The following NSMCE2 variants were observed in gnomAD, a reference collection of about 807,000 sequenced individuals.
The protein encoded by NSMCE2 is NSE2 SUMO ligase component of SMC5/6 complex.
In NSMCE2, 24 loss-of-function variants were observed where a neutral mutation model predicts 23.8. That is an observed-to-expected ratio of 1.01 (90% CI 0.73 to 1.42). The LOEUF is 1.42. Ranked by LOEUF, NSMCE2 falls within the 40% of genes most tolerant of loss-of-function variation. The probability of loss-of-function intolerance (pLI) is 0.00; values close to 1 mark genes in which losing one functional copy is unlikely to be tolerated. For missense variants in NSMCE2, 284 were observed against 296.5 expected (o/e 0.96, Z 0.31); for synonymous variants, 92 against 94.1 (o/e 0.98, Z 0.13).
intron 3 of NSMCE2, among the ~76,000 whole-genome samples, chr8:125,105,081 C>A (rs1818391674): frequency 6.6e-6 from 1 of 152,198 alleles, no homozygotes; most frequent in African/African-American, 2.4e-5. Context: ...CAAGACTTTT[C>A]CCAGTTTTCC....
intron 5 of NSMCE2, among the ~76,000 whole-genome samples, chr8:125,242,401 A>T (rs1018888563): frequency 1.3e-5 from 2 of 152,056 alleles, no homozygotes; most frequent in African/African-American, 4.8e-5. Context: ...GAGACACCAC[A>T]TGTTCACCAC....
intron 1 of NSMCE2, among the ~76,000 whole-genome samples, chr8:125,095,878 A>G (rs937972453): frequency 1.4e-4 from 20 of 143,534 alleles, no homozygotes; most frequent in Non-Finnish European, 2.6e-4. Context: ...GCAAAACTCC[A>G]TCTCAAAAAA....
intron 5 of NSMCE2, among the ~76,000 whole-genome samples, chr8:125,205,702 G>A (rs1041082807): frequency 1.3e-5 from 2 of 152,106 alleles, no homozygotes; most frequent in African/African-American, 2.4e-5. Context: ...TAATCACCTC[G>A]GCTGGAGGCT....
chr8:125,092,075 C>T (rs1322233950), intron 1 of NSMCE2, 117 bp downstream of exon 1: 1 of 152,232 alleles, frequency 6.6e-6, no homozygotes, highest in Non-Finnish European at 1.5e-5. Flanking sequence ...GGTTGTGGAA[C>T]TTTTCACGCC....
chr8:125,158,236 T>C (rs79625464), intron 4 of NSMCE2, among the ~76,000 whole-genome samples: 4,747 of 152,224 alleles, frequency 0.031, 246 homozygotes, highest in African/African-American at 0.11. Context: ...TAAAGATGTT[T>C]CCATGTTGAA....
intron 5 of NSMCE2, among the ~76,000 whole-genome samples, chr8:125,200,416 T>G (rs533028982): frequency 6.6e-6 from 1 of 152,318 alleles, no homozygotes; most frequent in East Asian, 1.9e-4. Context: ...AGGATTTTAT[T>G]TCTCCTTCAC....
At chr8:125,254,329 C>G (rs1318766525) in intron 5 of NSMCE2, among the ~76,000 whole-genome samples, 1 of 152,090 alleles carries the variant, frequency 6.6e-6, no homozygotes, top group Non-Finnish European at 1.5e-5. Context: ...AACATTTTAC[C>G]AAGAAATGGT....
At chr8:125,145,417 T>C (rs1235075456) in intron 3 of NSMCE2, among the ~76,000 whole-genome samples, 1 of 152,210 alleles carries the variant, frequency 6.6e-6, no homozygotes, top group African/African-American at 2.4e-5. Flanking sequence ...GTTATTGTAC[T>C]AACTTCTTGC....
intron 5 of NSMCE2, among the ~76,000 whole-genome samples, chr8:125,327,424 A>C (rs1829713742): frequency 6.6e-6 from 1 of 152,144 alleles, no homozygotes; most frequent in Admixed American, 6.5e-5. Flanking sequence ...TCTTTTTAGG[A>C]GGCTTTAAAG....
rs578041011 is a variant in NSMCE2, at chr8:125,259,997, G to A, written c.418+77741G>A. 3.9e-4 allele frequency among the ~76,000 whole-genome samples: 59 copies of A among 152,294 alleles called. 1 individual carries two copies. The highest frequency in any genetic ancestry group is 3.4e-3 in the Middle Eastern group (1 of 294). On this transcript the variant is annotated intron_variant, in intron 5 of 7. Coordinates refer to ENST00000287437, the MANE Select transcript of NSMCE2 (RefSeq NM_173685.4). Reference sequence around the variant, plus strand: ...ATGAAGCAACCGAGGCAGCAGCCTGGTGAAACAAAAAGAAAGCAGATATTG... The same window carrying A: ...ATGAAGCAACCGAGGCAGCAGCCTGATGAAACAAAAAGAAAGCAGATATTG...
In NSMCE2 at chr8:125,106,871, C is replaced by A. The variant is rs147441025; in HGVS notation, c.157+4384C>A. 8.8e-3 allele frequency among the ~76,000 whole-genome samples: 1,330 copies of A among 150,800 alleles called. 20 individuals carry two copies. Among genetic ancestry groups the A allele is most frequent in the African/African-American group, 0.03 (1,225 of 41,022 alleles). On this transcript the variant is annotated intron_variant, in intron 3 of 7. Coordinates refer to ENST00000287437, the MANE Select transcript of NSMCE2 (RefSeq NM_173685.4). ...ATTACCTGAGCGTGGTGGTGGGCGC[C>A]TATAATCCCGGCTACTCGGGAGGCT...
At chr8:125,103,231 G>A (rs1472823586) in intron 3 of NSMCE2, among the ~76,000 whole-genome samples, 1 of 152,056 alleles carries the variant, frequency 6.6e-6, no homozygotes. Flanking sequence ...ACTTGAACCC[G>A]GGAGGTGGAG....
At position 125,136,330 on chromosome 8, in the gene NSMCE2, A is replaced by G. The variant is rs1283985312; in HGVS notation, c.158-14841A>G. On this transcript the variant is annotated intron_variant, in intron 3 of 7. Coordinates refer to ENST00000287437, the MANE Select transcript of NSMCE2 (RefSeq NM_173685.4). ...AACAAATCAATAATCTGAGGAAGAA[A>G]CAAAGATTGAAATTAAGGCAGCTAT... Among the ~76,000 whole-genome samples, 3 of 152,218 alleles carry G rather than the reference A, an allele frequency of 2.0e-5. No individual in the cohort carries two copies. The East Asian group carries it at 5.8e-4, about 29-fold the overall frequency.
chr8:125,259,769 T>C (rs896271395), intron 5 of NSMCE2, among the ~76,000 whole-genome samples: 7 of 152,208 alleles, frequency 4.6e-5, no homozygotes, highest in African/African-American at 1.4e-4. Flanking sequence ...TTTCAACAAC[T>C]CTAAAACAGG....
At chr8:125,290,409 T>C (rs569005105) in intron 5 of NSMCE2, among the ~76,000 whole-genome samples, 205 of 152,302 alleles carry the variant, frequency 1.3e-3, no homozygotes, top group African/African-American at 4.7e-3. Context: ...AAGGAGGCCC[T>C]TTTGGTCTTT....
intron 5 of NSMCE2, among the ~76,000 whole-genome samples, chr8:125,327,285 A>G (rs888782729): frequency 4.5e-4 from 64 of 142,696 alleles, no homozygotes; most frequent in African/African-American, 1.3e-3. Flanking sequence ...AAAAAAAAAA[A>G]AGAGAGAGAA....
intron 5 of NSMCE2, among the ~76,000 whole-genome samples, chr8:125,277,660 C>T (rs1217167538): frequency 6.6e-6 from 1 of 152,102 alleles, no homozygotes; most frequent in South Asian, 2.1e-4. Context: ...GCACCCGCCA[C>T]CACACCTGGC....
rs1298231791 is a variant in NSMCE2, at chr8:125,211,514, T to C, written c.418+29258T>C. Among the ~76,000 whole-genome samples, 4 of 152,266 alleles carry C rather than the reference T, an allele frequency of 2.6e-5. No individual in the cohort carries two copies. The East Asian group carries it at 7.7e-4, about 29-fold the overall frequency. ...ACCTGATGGTGGGCTTAGTAGTTAT[T>C]CTGTGGCTGTTACCAACATCACTGC... On this transcript the variant is annotated intron_variant, in intron 5 of 7. Transcript: ENST00000287437.
chr8:125,214,397 G>A lies in NSMCE2; in HGVS notation c.418+32141G>A, dbSNP rs16900446. On this transcript the variant is annotated intron_variant, in intron 5 of 7. Coordinates refer to ENST00000287437, the MANE Select transcript of NSMCE2 (RefSeq NM_173685.4). Reference sequence around the variant, plus strand: ...GCCTCTAAGACCAGGAAATCCATGAGCATTAAAGGAATGAGATCAGAATTG... The same window carrying A: ...GCCTCTAAGACCAGGAAATCCATGAACATTAAAGGAATGAGATCAGAATTG... Among the ~76,000 whole-genome samples the A allele has an allele frequency of 6.6e-3, 1,009 of 152,252 alleles. 8 individuals are homozygous for A. The highest frequency in any genetic ancestry group is 0.023 in the African/African-American group (975 of 41,550).
Sources: allele counts gnomAD v4.1 joint callset (sites outside exome capture counted in the v4.1 genomes callset), GRCh38; gene constraint gnomAD v4.1.1; transcripts MANE v1.5; gene names NCBI Gene and HGNC (gene_info 2026-07-23, HGNC 2026-07-21).